LDLRAP1: variants seen among roughly 807,000 people sequenced by gnomAD.
The protein encoded by LDLRAP1 is low density lipoprotein receptor adaptor protein 1.
LDLRAP1 carries 30 observed loss-of-function variants against 37.8 expected under a neutral mutation model. The observed-to-expected ratio is 0.79, with a 90% CI of 0.59 to 1.08. The LOEUF (loss-of-function observed/expected upper bound fraction) is 1.08, where lower values mean the gene tolerates loss of function less well. Among genes scored for constraint, LDLRAP1 ranks in the 50% least tolerant of loss-of-function variants. LDLRAP1 has a pLI of 0.00. For missense variants in LDLRAP1, 375 were observed against 401.6 expected, an observed-to-expected ratio of 0.93 and a Z score of 0.57; for synonymous variants, 156 against 169.8, an observed-to-expected ratio of 0.92 and a Z score of 0.63.
Position 25,554,937 on chromosome 1 carries a change from C to T in LDLRAP1, c.309C>T (p.Leu103=). 1 of 1,614,208 alleles carries T rather than the reference C, an allele frequency of 6.2e-7. No individual in the cohort carries two copies. The highest frequency in any genetic ancestry group is 8.5e-7 in the Non-Finnish European group (1 of 1,180,010). Residue 103 remains leucine, a synonymous_variant, in exon 3 of 9, where the codon CTC becomes CTT. Transcript: ENST00000374338. The surrounding 1 kb of genome is among the most constrained non-coding windows in gnomAD (Gnocchi z 5.4). The part of the protein sequence containing the change: ...SPRGIILTDN[L]TNQLIENVSI... ...GGGGAATTATCCTGACAGACAACCT[C>T]ACCAACCAGCTCATTGAGAACGTGT...
the LDLRAP1 span, among the ~76,000 whole-genome samples, chr1:25,587,460 T>C: frequency 1.3e-5 from 2 of 152,152 alleles, no homozygotes; most frequent in African/African-American, 4.8e-5. Flanking sequence ...CGGCCATGAC[T>C]CACTTTTAAT....
intron 1 of LDLRAP1, among the ~76,000 whole-genome samples, chr1:25,551,140 T>C (rs1182201907): frequency 1.3e-5 from 2 of 152,160 alleles, no homozygotes; most frequent in African/African-American, 4.8e-5. Flanking sequence ...GAAGTAGAGC[T>C]GCAATTGATT....
chr1:25,586,931 T>A, the LDLRAP1 span, among the ~76,000 whole-genome samples: 1 of 152,280 alleles, frequency 6.6e-6, no homozygotes, highest in East Asian at 1.9e-4. The surrounding 1 kb of genome is among the most constrained non-coding windows in gnomAD (Gnocchi z 4.3). Flanking sequence ...ATGATCATAG[T>A]CCCAGACTGA....
At position 25,567,851 on chromosome 1, in the gene LDLRAP1, C is replaced by T. The variant is rs1051164758; in HGVS notation, c.*859C>T. ...CCCTCCACGCAAGGCTGTGCTCTTC[C>T]TCTGGTTTCTGTGTGTCCGTTTGAG... On this transcript the variant is annotated 3_prime_UTR_variant, in exon 9 of 9. Coordinates refer to ENST00000374338, the MANE Select transcript of LDLRAP1 (RefSeq NM_015627.3). 1 of 152,488 alleles carries T rather than the reference C, an allele frequency of 6.6e-6. No homozygotes were observed. The highest frequency in any genetic ancestry group is 6.5e-5 in the Admixed American group (1 of 15,288). 9.4% of individuals were successfully genotyped at this position (152,488 alleles called of 1,614,324 possible).
intron 1 of LDLRAP1, among the ~76,000 whole-genome samples, chr1:25,553,040 A>G (rs527574851): frequency 7.8e-4 from 114 of 146,734 alleles, no homozygotes; most frequent in African/African-American, 2.7e-3. Context: ...TCCTCTCCCC[A>G]CCCACCCTTA....
At chr1:25,573,784 T>C (rs2044636532), downstream of LDLRAP1, among the ~76,000 whole-genome samples, 1 of 152,180 alleles carries the variant, frequency 6.6e-6, no homozygotes, top group African/African-American at 2.4e-5. Flanking sequence ...CCCGGGGCTA[T>C]TTCACACAGG....
In LDLRAP1 at chr1:25,562,626, C is replaced by T. The variant is rs774162133; in HGVS notation, c.460-18C>T. 1.9e-6 allele frequency: 3 copies of T among 1,612,862 alleles called. No individual in the cohort carries two copies. The highest frequency in any genetic ancestry group is 2.5e-6 in the Non-Finnish European group (3 of 1,178,796). On this transcript the variant is annotated intron_variant, in intron 4 of 8. Coordinates refer to ENST00000374338, the MANE Select transcript of LDLRAP1 (RefSeq NM_015627.3). ...GGCTGACACTGCACCCCTCCCCATC[C>T]CCACTTCCTGTTTTCAGGCACAGGC...
rs900888051 is a variant in LDLRAP1 at position 25,568,279 on chromosome 1, A to G, written c.*1287A>G. ...CATTCCGAGGGTGAAACAAAATCCA[A>G]CCCTGTCAGAATCATGCTGTTCTCT... On this transcript the variant is annotated 3_prime_UTR_variant, in exon 9 of 9. Transcript: ENST00000374338. 6 of 152,458 alleles carry G rather than the reference A, an allele frequency of 3.9e-5. No individual in the cohort carries two copies. The highest frequency in any genetic ancestry group is 1.4e-4 in the African/African-American group (6 of 41,412). The allele number at this position is 152,458 out of a possible 1,614,324, so 9.4% of individuals were successfully genotyped here.
At chr1:25,565,276 TG>T (rs2044448708) in intron 8 of LDLRAP1, 69 bp downstream of exon 8, 1 of 1,552,446 alleles carries the variant, frequency 6.4e-7, no homozygotes, top group Admixed American at 1.7e-5. Context: ...CCCTTTCTCC[TG>T]GGGACCTTTC....
At chr1:25,587,838 G>A in the LDLRAP1 span, among the ~76,000 whole-genome samples, 1 of 152,124 alleles carries the variant, frequency 6.6e-6, no homozygotes, top group African/African-American at 2.4e-5. Flanking sequence ...TATTTTGGAT[G>A]GGTCAGGTGT....
chr1:25,550,294 G>A (rs1185897412), intron 1 of LDLRAP1, among the ~76,000 whole-genome samples: 1 of 152,176 alleles, frequency 6.6e-6, no homozygotes, highest in African/African-American at 2.4e-5. Flanking sequence ...CTGAGGTTCA[G>A]GGAGGGTAAT....
chr1:25,563,191 G>T (rs762731408), intron 6 of LDLRAP1, 38 bp downstream of exon 6: 63 of 1,585,390 alleles, frequency 4.0e-5, no homozygotes, highest in Non-Finnish European at 5.4e-5. Flanking sequence ...GCCATGCGGT[G>T]TTGGGGTTGC....
At chr1:25,561,509 C>T (rs72873747) in intron 4 of LDLRAP1, among the ~76,000 whole-genome samples, 9,510 of 152,016 alleles carry the variant, frequency 0.063, 976 homozygotes, top group African/African-American at 0.21. Context: ...GGGCAGGGAG[C>T]GGGGCTGAGG....
chr1:25,552,188 G>A (rs964422254), intron 1 of LDLRAP1, among the ~76,000 whole-genome samples: 2 of 152,166 alleles, frequency 1.3e-5, no homozygotes, highest in African/African-American at 4.8e-5. Flanking sequence ...TAGGGGACCT[G>A]GTGATGCCAC....
At chr1:25,568,971 T>G (rs1180247717), downstream of LDLRAP1, 3 of 152,230 alleles carry the variant, frequency 2.0e-5, no homozygotes, top group Non-Finnish European at 2.9e-5. Flanking sequence ...GACCACAGGC[T>G]GGGTGGGGCC....
intron 8 of LDLRAP1, 69 bp downstream of exon 8, chr1:25,565,276 T>A: frequency 6.4e-7 from 1 of 1,552,564 alleles, no homozygotes; most frequent in Non-Finnish European, 8.9e-7. Context: ...CCCTTTCTCC[T>A]GGGGACCTTT....
At chr1:25,584,467 C>A in the LDLRAP1 span, among the ~76,000 whole-genome samples, 1 of 152,198 alleles carries the variant, frequency 6.6e-6, no homozygotes, top group African/African-American at 2.4e-5. Flanking sequence ...CCTGCTCAGA[C>A]AGGCCCAGGG....
Position 25,568,374 on chromosome 1 carries a change from C to G in LDLRAP1, c.*1382C>G, listed in dbSNP as rs2044539645. The G allele has an allele frequency of 6.6e-6, 1 of 152,332 alleles. No individual in the cohort carries two copies. The highest frequency in any genetic ancestry group is 1.5e-5 in the Non-Finnish European group (1 of 68,090). The allele number at this position is 152,332 out of a possible 1,614,324, so 9.4% of individuals were successfully genotyped here. A position where few individuals can be genotyped will look rare whatever the true frequency, so the allele number is the denominator to read the frequency against. ...TGTCTTTAGAATCGCTTTCCTTCCT[C>G]CCCTTTTGCCCCCGTGGGGCTCCCG... On this transcript the variant is annotated 3_prime_UTR_variant, in exon 9 of 9. Coordinates refer to ENST00000374338, the MANE Select transcript of LDLRAP1 (RefSeq NM_015627.3).
chr1:25,559,203 C>G (rs563765179), intron 4 of LDLRAP1, among the ~76,000 whole-genome samples: 2 of 152,224 alleles, frequency 1.3e-5, no homozygotes, highest in East Asian at 3.9e-4. Flanking sequence ...AAATACAGCT[C>G]CTTATGTCCC....
Sources: gnomAD v4.1 joint callset for allele counts (sites outside exome capture counted in the v4.1 genomes callset) on GRCh38, gnomAD v4.1.1 for gene constraint, Gnocchi (gnomAD v3.1) non-coding constraint, MANE v1.5 for transcripts, NCBI Gene and HGNC (gene_info 2026-07-23, HGNC 2026-07-21) for gene names.